Variants in EIF4G3 observed in about 807,000 individuals in gnomAD.
EIF4G3 encodes eukaryotic translation initiation factor 4 gamma 3, also known as eIF-4-gamma 3.
In EIF4G3, 34 loss-of-function variants were observed where a neutral mutation model predicts 186.4. That is an observed-to-expected ratio of 0.18 (90% CI 0.14 to 0.24). The LOEUF is 0.24. EIF4G3 is among the 10% of genes least tolerant of loss of function. The pLI, the probability that EIF4G3 is intolerant of heterozygous loss-of-function variation, is 1.00. For missense variants in EIF4G3, 1,536 were observed against 1,948.5 expected, an observed-to-expected ratio of 0.79 and a Z score of 3.99; for synonymous variants, 673 against 679.5, an observed-to-expected ratio of 0.99 and a Z score of 0.15.
intron 16 of EIF4G3, among the ~76,000 whole-genome samples, chr1:20,895,703 T>C (rs188970994): frequency 6.6e-6 from 1 of 152,356 alleles, no homozygotes; most frequent in African/African-American, 2.4e-5. Context: ...AATGCATTAT[T>C]CACATGTATG....
At chr1:21,128,040 TA>T (rs951101425) in intron 2 of EIF4G3, among the ~76,000 whole-genome samples, 2 of 147,914 alleles carry the variant, frequency 1.4e-5, no homozygotes, top group African/African-American at 2.5e-5. Context: ...CCATCTCTAA[TA>T]AAAAAAATAC....
intron 7 of EIF4G3, among the ~76,000 whole-genome samples, chr1:20,993,434 GAT>G (rs1159283377): frequency 2.9e-5 from 2 of 68,752 alleles, no homozygotes; most frequent in Non-Finnish European, 8.4e-5. Flanking sequence ...TACTAAACTG[GAT>G]GATGTTTTCT....
chr1:21,125,583 G>A (rs2097016978), intron 2 of EIF4G3, among the ~76,000 whole-genome samples: 1 of 151,934 alleles, frequency 6.6e-6, no homozygotes, highest in Non-Finnish European at 1.5e-5. Context: ...GCCAGGCATG[G>A]TGGCGGGTGC....
intron 14 of EIF4G3, among the ~76,000 whole-genome samples, chr1:20,905,996 C>T (rs1046136844): frequency 2.0e-5 from 3 of 152,258 alleles, no homozygotes; most frequent in Non-Finnish European, 4.4e-5. Context: ...GGAACACACA[C>T]TTTTTGGGGG....
chr1:21,023,777 G>A (rs1043088770), intron 4 of EIF4G3, among the ~76,000 whole-genome samples: 100 of 146,084 alleles, frequency 6.8e-4, no homozygotes, highest in African/African-American at 2.5e-3. Flanking sequence ...AGTGAGGAGC[G>A]TCTCCGCCCG....
intron 29 of EIF4G3, among the ~76,000 whole-genome samples, chr1:20,848,767 GC>G (rs1362658385): frequency 1.3e-5 from 2 of 151,814 alleles, no homozygotes; most frequent in African/African-American, 4.8e-5. Flanking sequence ...ACCATGACAG[GC>G]CAGGTGTGGT....
At chr1:20,979,813 T>C (rs6691200) in intron 10 of EIF4G3, among the ~76,000 whole-genome samples, 64,741 of 150,570 alleles carry the variant, frequency 0.43, 14,299 homozygotes, top group Non-Finnish European at 0.47. Flanking sequence ...TGCAGTGGCG[T>C]GATCTCGGCT....
chr1:21,057,482 A>G (rs1240578106), intron 3 of EIF4G3, among the ~76,000 whole-genome samples: 1 of 152,242 alleles, frequency 6.6e-6, no homozygotes, highest in Non-Finnish European at 1.5e-5. Context: ...ACACATGTTT[A>G]GCAACACTAT....
intron 18 of EIF4G3, among the ~76,000 whole-genome samples, chr1:20,889,781 C>T (rs564876286): frequency 1.5e-4 from 23 of 152,150 alleles, no homozygotes; most frequent in South Asian, 4.1e-4. Context: ...TGAACCACCA[C>T]GCCCGGCCCA....
chr1:21,126,780 CAGG>C (rs1189728469), intron 2 of EIF4G3, among the ~76,000 whole-genome samples: 3 of 151,934 alleles, frequency 2.0e-5, no homozygotes, highest in East Asian at 1.9e-4. Flanking sequence ...TCTGTATCCA[CAGG>C]AGATTGGTTC....
chr1:21,089,290 C>T (rs1487527748), intron 2 of EIF4G3, 77 bp from the exon 3 acceptor site: 1 of 694,216 alleles, frequency 1.4e-6, no homozygotes, highest in Non-Finnish European at 2.7e-6. Flanking sequence ...CCACAAAATT[C>T]CACCAACGAC....
intron 13 of EIF4G3, among the ~76,000 whole-genome samples, chr1:20,948,677 A>G (rs530637629): frequency 2.6e-5 from 4 of 152,224 alleles, no homozygotes; most frequent in East Asian, 1.9e-4. Flanking sequence ...AATATTAAAT[A>G]TATCTATTTT....
intron 2 of EIF4G3, among the ~76,000 whole-genome samples, chr1:21,106,163 T>C (rs1480393531): frequency 6.6e-6 from 1 of 151,620 alleles, no homozygotes; most frequent in African/African-American, 2.4e-5. Flanking sequence ...ACTGAGAGGC[T>C]TGTAGGGCCT....
chr1:20,865,769 G>T (rs2077424856), intron 20 of EIF4G3, among the ~76,000 whole-genome samples: 1 of 152,056 alleles, frequency 6.6e-6, no homozygotes, highest in Non-Finnish European at 1.5e-5. Flanking sequence ...TTTCATTGGG[G>T]AATGTCATAA....
At chr1:20,832,626 T>C (rs1003678648) in intron 30 of EIF4G3, among the ~76,000 whole-genome samples, 2 of 150,408 alleles carry the variant, frequency 1.3e-5, no homozygotes, top group African/African-American at 4.9e-5. Context: ...TAGATCCCAT[T>C]TGTCAATTTT....
chr1:21,075,119 A>G (rs1295319692), intron 3 of EIF4G3, among the ~76,000 whole-genome samples: 1 of 152,246 alleles, frequency 6.6e-6, no homozygotes, highest in Non-Finnish European at 1.5e-5. Flanking sequence ...ATACAAAACA[A>G]CAAGAAAACA....
intron 2 of EIF4G3, among the ~76,000 whole-genome samples, chr1:21,137,465 T>C (rs2097266024): frequency 6.6e-6 from 1 of 151,948 alleles, no homozygotes; most frequent in South Asian, 2.1e-4. Context: ...GACACCATCA[T>C]CTATGAAAAA....
intron 4 of EIF4G3, among the ~76,000 whole-genome samples, chr1:21,041,496 A>G (rs2093578015): frequency 6.6e-6 from 1 of 152,244 alleles, no homozygotes; most frequent in African/African-American, 2.4e-5. Context: ...AGACTATGAC[A>G]ACTGCACTAA....
At chr1:21,003,809 C>G (rs1318847177) in intron 4 of EIF4G3, 1 of 398,372 alleles carries the variant, frequency 2.5e-6, no homozygotes. Context: ...TGTAAATTGC[C>G]TTATCATGCC....
Sources: gnomAD v4.1 joint callset for allele counts (sites outside exome capture counted in the v4.1 genomes callset) on GRCh38, gnomAD v4.1.1 for gene constraint, MANE v1.5 for transcripts, NCBI Gene and HGNC (gene_info 2026-07-23, HGNC 2026-07-21) for gene names.